Variants in PEBP4 observed in about 807,000 individuals in gnomAD.
PEBP4 encodes phosphatidylethanolamine-binding protein 4.
A neutral mutation model predicts 23.9 loss-of-function variants in PEBP4; 22 were observed. That is an observed-to-expected ratio of 0.92 (90% CI 0.66 to 1.31). The LOEUF is 1.31. Ranked by LOEUF, PEBP4 falls within the 40% of genes most tolerant of loss-of-function variation. The pLI, the probability that PEBP4 is intolerant of heterozygous loss-of-function variation, is 0.00. For missense variants in PEBP4, 324 were observed against 281.7 expected (o/e 1.15, Z -1.07); for synonymous variants, 112 against 99.3 (o/e 1.13, Z -0.76).
At chr8:22,847,631 G>C (rs761337483) in intron 3 of PEBP4, among the ~76,000 whole-genome samples, 13 of 152,170 alleles carry the variant, frequency 8.5e-5, no homozygotes, top group Non-Finnish European at 1.9e-4. Flanking sequence ...AGGCAAGAGA[G>C]AGTCACCAGG....
chr8:22,777,882 C>T (rs1213294563), intron 4 of PEBP4, among the ~76,000 whole-genome samples: 1 of 152,264 alleles, frequency 6.6e-6, no homozygotes, highest in Non-Finnish European at 1.5e-5. Context: ...CTTCCCCGCG[C>T]CCTCAATGAG....
intron 4 of PEBP4, among the ~76,000 whole-genome samples, chr8:22,732,232 A>G (rs1804753338): frequency 6.6e-6 from 1 of 152,092 alleles, no homozygotes; most frequent in South Asian, 2.1e-4. Context: ...TAAAATACCC[A>G]TGACTCTCCT....
intron 4 of PEBP4, among the ~76,000 whole-genome samples, chr8:22,770,890 T>A (rs1024395917): frequency 6.6e-6 from 1 of 152,254 alleles, no homozygotes; most frequent in Non-Finnish European, 1.5e-5. Flanking sequence ...CTTCTGATGC[T>A]ACCACTTTCT....
intron 3 of PEBP4, among the ~76,000 whole-genome samples, chr8:22,857,053 A>G (rs1403665435): frequency 6.6e-6 from 1 of 152,172 alleles, no homozygotes; most frequent in Admixed American, 6.5e-5. Context: ...CAAAATTATA[A>G]GCCAGTCTGT....
intron 3 of PEBP4, among the ~76,000 whole-genome samples, chr8:22,850,383 C>T (rs1187053224): frequency 6.6e-6 from 1 of 152,126 alleles, no homozygotes; most frequent in East Asian, 1.9e-4. Flanking sequence ...TGAAGAGGGA[C>T]TGGAAAAGGA....
intron 3 of PEBP4, among the ~76,000 whole-genome samples, chr8:22,842,982 C>T (rs1404425006): frequency 6.6e-6 from 1 of 152,210 alleles, no homozygotes. Flanking sequence ...CGCCCGCCAA[C>T]ACATCTGGCT....
intron 6 of PEBP4, among the ~76,000 whole-genome samples, chr8:22,717,445 C>T (rs929124609): frequency 1.4e-5 from 2 of 144,136 alleles, no homozygotes; most frequent in South Asian, 2.2e-4. Context: ...TCAGTATTTC[C>T]GTCCTGATGT....
At chr8:22,894,163 G>A (rs555016676) in intron 3 of PEBP4, among the ~76,000 whole-genome samples, 4 of 149,386 alleles carry the variant, frequency 2.7e-5, no homozygotes, top group African/African-American at 9.7e-5. Context: ...GAGTTTGGCG[G>A]AATTGCACGA....
In PEBP4 at chr8:22,740,639, TGA is replaced by T. The variant is rs564379357; in HGVS notation, c.358-13421_358-13420del. The stretch of plus-strand genomic sequence containing the variant: ...AGTGGCAGCTGTGGTGGGAACCATC[TGA>T]GCCCCGGTTCCTGATGGTACCTCCT... On this transcript the variant is annotated intron_variant, in intron 4 of 6. Transcript: ENST00000256404. Among the ~76,000 whole-genome samples, 28 of 152,302 alleles carry T rather than the reference TGA, an allele frequency of 1.8e-4. No homozygotes were observed. The East Asian group carries it at 3.9e-3, about 21-fold the overall frequency.
chr8:22,860,192 GTATA>G (rs57265758), intron 3 of PEBP4, among the ~76,000 whole-genome samples: 23 of 68,346 alleles, frequency 3.4e-4, no homozygotes, highest in South Asian at 8.1e-4. Context: ...ACATATATAT[GTATA>G]TATATATATA....
chr8:22,879,765 C>T (rs961030051), intron 3 of PEBP4, among the ~76,000 whole-genome samples: 2 of 152,204 alleles, frequency 1.3e-5, no homozygotes, highest in Non-Finnish European at 2.9e-5. Context: ...ATTCAACAAA[C>T]ATCTGCAGCA....
intron 4 of PEBP4, among the ~76,000 whole-genome samples, chr8:22,737,143 A>T (rs1804880440): frequency 6.6e-6 from 1 of 152,060 alleles, no homozygotes; most frequent in South Asian, 2.1e-4. Context: ...AAAATACAAA[A>T]ATTAGCAAGG....
intron 3 of PEBP4, chr8:22,895,777 T>G (rs1439758078): frequency 1.3e-5 from 2 of 152,252 alleles, no homozygotes; most frequent in East Asian, 1.9e-4. Flanking sequence ...TCAAGTTCAC[T>G]GATTTTTCCA....
chr8:22,898,681 C>T (rs559739603), intron 3 of PEBP4, among the ~76,000 whole-genome samples: 8 of 152,328 alleles, frequency 5.3e-5, no homozygotes, highest in African/African-American at 1.9e-4. Context: ...GCTGTTAGCT[C>T]CTCTTTGTCC....
At chr8:22,794,376 C>T (rs1469693673) in intron 4 of PEBP4, among the ~76,000 whole-genome samples, 1 of 152,098 alleles carries the variant, frequency 6.6e-6, no homozygotes, top group African/African-American at 2.4e-5. Context: ...ACTGCAACCT[C>T]TGCCTCCCAG....
chr8:22,928,229 C>T (rs938867850), upstream of PEBP4, among the ~76,000 whole-genome samples: 8 of 152,356 alleles, frequency 5.3e-5, no homozygotes, highest in Non-Finnish European at 8.8e-5. Context: ...CCCATTCTTC[C>T]ACCACCTGTC....
At chr8:22,795,021 A>G (rs1381037740) in intron 4 of PEBP4, among the ~76,000 whole-genome samples, 1 of 150,452 alleles carries the variant, frequency 6.6e-6, no homozygotes, top group Non-Finnish European at 1.5e-5. Context: ...TCCTTATTAT[A>G]CTCTCAGTAT....
In PEBP4 at chr8:22,828,991, T is replaced by C. The variant is rs759234299; in HGVS notation, c.259-11256A>G. On this transcript the variant is annotated intron_variant, in intron 3 of 6. Coordinates refer to ENST00000256404, the MANE Select transcript of PEBP4 (RefSeq NM_144962.3). ...TCTCCAGCTTGCTTCTTCAACTATG[T>C]CTACTGGGAGTAGTCTTCAACCTCA... Among the ~76,000 whole-genome samples the C allele has an allele frequency of 4.6e-5, 7 of 152,296 alleles. No individual in the cohort carries two copies. In the South Asian group the frequency reaches 1.5e-3, roughly 32 times the overall value.
intron 4 of PEBP4, among the ~76,000 whole-genome samples, chr8:22,774,516 C>G (rs1326404481): frequency 3.9e-5 from 6 of 152,210 alleles, no homozygotes; most frequent in African/African-American, 1.4e-4. Context: ...TTGGCGCCAG[C>G]CTGTGCCAGG....
Sources: gnomAD v4.1 joint callset for allele counts (sites outside exome capture counted in the v4.1 genomes callset) on GRCh38, gnomAD v4.1.1 for gene constraint, MANE v1.5 for transcripts, NCBI Gene and HGNC (gene_info 2026-07-23, HGNC 2026-07-21) for gene names.